MDGA2: variants seen among roughly 807,000 people sequenced by gnomAD.
MDGA2 encodes the protein MAM domain containing glycosylphosphatidylinositol anchor 2, also known as MAM domain-containing glycosylphosphatidylinositol anchor protein 2.
Under a neutral mutation model 117.8 loss-of-function variants are expected in MDGA2, and 40 were observed. The ratio of observed to expected loss-of-function variants is 0.34; its 90% CI spans 0.26 to 0.44. The LOEUF is 0.44. Among genes scored for constraint, MDGA2 ranks in the 20% least tolerant of loss-of-function variants. The probability of loss-of-function intolerance (pLI) is 1.00; values close to 1 mark genes in which losing one functional copy is unlikely to be tolerated. For missense variants in MDGA2, 1,123 were observed against 1,250.6 expected (o/e 0.90, Z 1.54); for synonymous variants, 452 against 439.0 (o/e 1.03, Z -0.37).
In MDGA2 at chr14:47,131,918, C is replaced by T. The variant is rs1882226329; in HGVS notation, c.793-72G>A. On this transcript the variant is annotated intron_variant, in intron 4 of 16. Coordinates refer to ENST00000399232, the MANE Select transcript of MDGA2 (RefSeq NM_001113498.3). ...AACCAGAATGAATGAAACATCACAT[C>T]ACATTACATTGTATTAAATCATATT... 2.5e-6 allele frequency: 3 copies of T among 1,202,404 alleles called. No individual in the cohort carries two copies. The Admixed American group carries it at 6.8e-5, about 27-fold the overall frequency. The allele number at this position is 1,202,404 out of a possible 1,614,324, so 74.5% of individuals were successfully genotyped here.
chr14:46,943,839 C>T (rs976669637), intron 9 of MDGA2, among the ~76,000 whole-genome samples: 5 of 152,036 alleles, frequency 3.3e-5, no homozygotes, highest in African/African-American at 1.2e-4. Context: ...GCCATATGGT[C>T]ATTGTTGCAA....
intron 1 of MDGA2, among the ~76,000 whole-genome samples, chr14:47,639,340 C>T (rs1480216024): frequency 1.3e-5 from 2 of 152,128 alleles, no homozygotes; most frequent in South Asian, 4.1e-4. Flanking sequence ...GCCTCATCCG[C>T]CATGAACTTC....
chr14:47,590,124 T>A (rs1896408508), intron 1 of MDGA2, among the ~76,000 whole-genome samples: 2 of 151,762 alleles, frequency 1.3e-5, no homozygotes, highest in Admixed American at 1.3e-4. Context: ...CAAAAGCATG[T>A]TGTCTATTTA....
At chr14:47,498,853 A>G (rs1428075008) in intron 1 of MDGA2, among the ~76,000 whole-genome samples, 1 of 152,138 alleles carries the variant, frequency 6.6e-6, no homozygotes, top group Non-Finnish European at 1.5e-5. Flanking sequence ...TACCCTGTGT[A>G]TTATTACATA....
intron 3 of MDGA2, among the ~76,000 whole-genome samples, chr14:47,147,699 A>G (rs1882999575): frequency 6.6e-6 from 1 of 152,192 alleles, no homozygotes; most frequent in African/African-American, 2.4e-5. Context: ...GGTGCACTGC[A>G]GTATCCAGTC....
intron 2 of MDGA2, among the ~76,000 whole-genome samples, chr14:47,238,301 T>C (rs1886929298): frequency 6.6e-6 from 1 of 152,176 alleles, no homozygotes; most frequent in African/African-American, 2.4e-5. Flanking sequence ...CTAAAAAATA[T>C]AACTTTCATG....
chr14:47,386,616 A>G (rs1421208336), intron 1 of MDGA2, among the ~76,000 whole-genome samples: 1 of 152,224 alleles, frequency 6.6e-6, no homozygotes, highest in Non-Finnish European at 1.5e-5. Flanking sequence ...TATGAAGAGC[A>G]AAAGGAAAAA....
chr14:47,634,819 C>G (rs1897297483), intron 1 of MDGA2, among the ~76,000 whole-genome samples: 1 of 152,052 alleles, frequency 6.6e-6, no homozygotes, highest in Non-Finnish European at 1.5e-5. Context: ...GCTTATTGCT[C>G]TTAGAGTCTT....
At chr14:46,920,487 T>C (rs1336529597) in intron 9 of MDGA2, among the ~76,000 whole-genome samples, 1 of 152,170 alleles carries the variant, frequency 6.6e-6, no homozygotes, top group African/African-American at 2.4e-5. Context: ...GTGATCTAAA[T>C]GGATACACCA....
At chr14:47,654,646 A>G (rs1032350727) in intron 1 of MDGA2, among the ~76,000 whole-genome samples, 3 of 150,964 alleles carry the variant, frequency 2.0e-5, no homozygotes, top group African/African-American at 7.3e-5. Flanking sequence ...TCCAGTTATG[A>G]AGAGATCTCC....
Position 47,061,271 on chromosome 14 carries a change from A to T in MDGA2, c.1503T>A (p.Asp501Glu), listed in dbSNP as rs369455418. 54 of 1,613,118 alleles carry T rather than the reference A, an allele frequency of 3.3e-5. No individual in the cohort carries two copies. The highest frequency in any genetic ancestry group is 4.2e-5 in the Non-Finnish European group (50 of 1,179,408). The stretch of plus-strand genomic sequence containing the variant: ...TACCTGTGCTGCTGGATATATTAAC[A>T]TCGATACTGATATCAGATATTCCTC... ...KGGGISDISI[D>E]VNISSSTVPP... The change falls in exon 7 of 17, where the codon GAT (aspartate) becomes GAA (glutamate). Residue 501 changes from aspartate (D) to glutamate (E), a missense_variant. This residue lies in a region of MDGA2 where 890 missense variants were observed against 1,050.3 expected (regional missense o/e 0.85). Coordinates refer to ENST00000399232, the MANE Select transcript of MDGA2 (RefSeq NM_001113498.3).
At position 47,239,118 on chromosome 14, in the gene MDGA2, A is replaced by G. The variant is rs143048274; in HGVS notation, c.421-20923T>C. Among the ~76,000 whole-genome samples the G allele has an allele frequency of 2.2e-3, 337 of 151,638 alleles. 4 individuals carry two copies. Among genetic ancestry groups the G allele is most frequent in the African/African-American group, 7.6e-3 (317 of 41,460 alleles). ...ATTTGAGTGCTACTATCGCCATCATAAAGTTGTATTGAGGGCCTAATATGA... is the reference window on the plus strand; with the variant it reads ...ATTTGAGTGCTACTATCGCCATCATGAAGTTGTATTGAGGGCCTAATATGA... On this transcript the variant is annotated intron_variant, in intron 2 of 16. Transcript: ENST00000399232.
intron 2 of MDGA2, among the ~76,000 whole-genome samples, chr14:47,248,817 GA>G (rs948730557): frequency 1.2e-4 from 18 of 151,314 alleles, no homozygotes; most frequent in Admixed American, 7.9e-4. Context: ...AGATTGATTT[GA>G]AAAAAAATTC....
intron 15 of MDGA2, among the ~76,000 whole-genome samples, chr14:46,853,735 A>G (rs1442887019): frequency 6.6e-6 from 1 of 151,740 alleles, no homozygotes; most frequent in Non-Finnish European, 1.5e-5. Context: ...TTTGTGTTGG[A>G]GAGGCAGTCA....
chr14:47,370,448 A>G lies in MDGA2; in HGVS notation c.281-68898T>C, dbSNP rs550679852. Among the ~76,000 whole-genome samples, 19 of 37,088 alleles carry G rather than the reference A, an allele frequency of 5.1e-4. No homozygotes were observed. The South Asian group carries it at 0.012, about 24-fold the overall frequency. The allele number at this position is 37,088 out of a possible 152,430, so 24.3% of individuals were successfully genotyped here. A position where few individuals can be genotyped will look rare whatever the true frequency, so the allele number is the denominator to read the frequency against. ...CCTGTATCTGAATATCTGAATTACT[A>G]TTTTCTAGGTCTACTTACTGTTTTT... On this transcript the variant is annotated intron_variant, in intron 1 of 16. Coordinates refer to ENST00000399232, the MANE Select transcript of MDGA2 (RefSeq NM_001113498.3).
chr14:47,595,811 T>A (rs906378152), intron 1 of MDGA2, among the ~76,000 whole-genome samples: 1 of 152,182 alleles, frequency 6.6e-6, no homozygotes, highest in Non-Finnish European at 1.5e-5. Context: ...CATAACTCAA[T>A]GTTCTTATAT....
chr14:46,880,384 T>C (rs1420681551), intron 11 of MDGA2, among the ~76,000 whole-genome samples: 2 of 151,962 alleles, frequency 1.3e-5, no homozygotes, highest in Non-Finnish European at 2.9e-5. Flanking sequence ...ATATGAACTG[T>C]TTAAATAATG....
intron 2 of MDGA2, among the ~76,000 whole-genome samples, chr14:47,234,776 C>T (rs759424670): frequency 2.4e-4 from 36 of 152,054 alleles, no homozygotes; most frequent in Non-Finnish European, 3.8e-4. Context: ...CATAAGACTT[C>T]CAACAAATAG....
chr14:47,484,048 A>T (rs549600551), intron 1 of MDGA2, among the ~76,000 whole-genome samples: 3 of 152,312 alleles, frequency 2.0e-5, no homozygotes, highest in African/African-American at 7.2e-5. Context: ...ATTTAGTAAA[A>T]CATATTCAAG....
Sources: allele counts gnomAD v4.1 joint callset (sites outside exome capture counted in the v4.1 genomes callset), GRCh38; gene constraint gnomAD v4.1.1; regional missense constraint gnomAD v4.1.1; transcripts MANE v1.5; gene names NCBI Gene and HGNC (gene_info 2026-07-23, HGNC 2026-07-21).